NME9: variants seen among roughly 807,000 people sequenced by gnomAD.
NME9 encodes NME/NM23 family member 9.
A neutral mutation model predicts 44.4 loss-of-function variants in NME9; 48 were observed. The ratio of observed to expected loss-of-function variants is 1.08; its 90% confidence interval spans 0.86 to 1.37. The LOEUF is 1.37. Ranked by LOEUF, NME9 falls within the 40% of genes most tolerant of loss-of-function variation. NME9 has a pLI of 0.00. For synonymous variants in NME9, 139 were observed against 147.1 expected (o/e 0.94, Z 0.40); for missense variants, 325 against 405.2 (o/e 0.80, Z 1.70).
At chr3:138,302,947 A>G (rs552311951) in intron 10 of NME9, among the ~76,000 whole-genome samples, 2 of 152,344 alleles carry the variant, frequency 1.3e-5, no homozygotes, top group African/African-American at 4.8e-5. Flanking sequence ...TCTCACCCAG[A>G]TTTGGAGGTG....
chr3:138,314,135 AGT>A (rs776346500), intron 6 of NME9, among the ~76,000 whole-genome samples, 195 bp downstream of exon 6: 12 of 152,238 alleles, frequency 7.9e-5, no homozygotes, highest in Non-Finnish European at 1.8e-4. Context: ...TAATTATATG[AGT>A]GTATCAAATT....
chr3:138,323,698 A>G (rs1270240654), intron 2 of NME9, among the ~76,000 whole-genome samples: 1 of 152,192 alleles, frequency 6.6e-6, no homozygotes, highest in African/African-American at 2.4e-5. Context: ...TTGAATGCTG[A>G]AGTCATTTGG....
At chr3:138,315,780 T>C (rs1469200409) in intron 4 of NME9, 137 bp from the exon 5 acceptor site, 1 of 645,762 alleles carries the variant, frequency 1.5e-6, no homozygotes, top group African/African-American at 1.8e-5. Context: ...TCACTTCTGC[T>C]GCCCTCCCTT....
chr3:138,319,400 C>T, intron 3 of NME9, 78 bp downstream of exon 3: 2 of 829,104 alleles, frequency 2.4e-6, no homozygotes, highest in Non-Finnish European at 4.0e-6. Flanking sequence ...CACTCTCACA[C>T]TTCTCCTTCC....
intron 8 of NME9, among the ~76,000 whole-genome samples, chr3:138,275,137 A>G (rs1466754288): frequency 6.6e-6 from 1 of 152,214 alleles, no homozygotes; most frequent in Non-Finnish European, 1.5e-5. Flanking sequence ...TTTAATGAAT[A>G]TATTTTATTT....
intron 8 of NME9, among the ~76,000 whole-genome samples, chr3:138,281,524 C>CTCG (rs1327932148): frequency 6.6e-6 from 1 of 152,124 alleles, no homozygotes; most frequent in Non-Finnish European, 1.5e-5. Flanking sequence ...ATCTCTTGAC[C>CTCG]TCGTAATCCA....
chr3:138,280,077 T>C (rs2049731052), intron 8 of NME9, among the ~76,000 whole-genome samples: 1 of 151,948 alleles, frequency 6.6e-6, no homozygotes, highest in Non-Finnish European at 1.5e-5. Flanking sequence ...CTAATTTTTG[T>C]ATTTTTAGTA....
chr3:138,327,888 C>G (rs894488795), intron 1 of NME9, among the ~76,000 whole-genome samples: 5 of 152,140 alleles, frequency 3.3e-5, no homozygotes, highest in Non-Finnish European at 5.9e-5. Context: ...CATAGGAGCT[C>G]TAGGGCATCA....
At chr3:138,276,658 CA>C (rs141815144) in intron 8 of NME9, among the ~76,000 whole-genome samples, 1,573 of 152,256 alleles carry the variant, frequency 0.01, 26 homozygotes, top group African/African-American at 0.036. Flanking sequence ...AGATATTAAA[CA>C]GTACCATTTG....
chr3:138,274,257 G>GTA (rs1419797636), intron 8 of NME9, among the ~76,000 whole-genome samples: 1 of 151,778 alleles, frequency 6.6e-6, no homozygotes, highest in Non-Finnish European at 1.5e-5. Context: ...GTGTGTGTGT[G>GTA]TGTATGACAT....
rs1408163988 is a variant in NME9 at position 138,303,607 on chromosome 3, A to G, written c.828T>C (p.Asn276=). ...CTCTGTCCCGGCTTCCATGGACGGC[A>G]TTGAAGGGCATTTCTGTGCCGTACT... is the stretch of plus-strand genomic sequence containing the variant. The part of the protein sequence containing the change: ...RAQYGTEMPF[N]AVHGSRDRED... Residue 276 remains asparagine (N), a synonymous_variant, in exon 10 of 11, where the codon AAT becomes AAC. Coordinates refer to ENST00000333911, the MANE Select transcript of NME9 (RefSeq NM_001349018.2). The G allele has an allele frequency of 1.9e-6, 3 of 1,613,956 alleles. No homozygotes were observed. The highest frequency in any genetic ancestry group is 1.3e-5 in the African/African-American group (1 of 75,046).
intron 8 of NME9, among the ~76,000 whole-genome samples, chr3:138,292,948 A>G (rs2051109694): frequency 6.6e-6 from 1 of 152,180 alleles, no homozygotes; most frequent in Non-Finnish European, 1.5e-5. Flanking sequence ...CAAAGGAAAA[A>G]GATGCCTGGA....
At chr3:138,311,147 AATAG>A (rs946203845) in intron 6 of NME9, among the ~76,000 whole-genome samples, 4 of 152,188 alleles carry the variant, frequency 2.6e-5, no homozygotes, top group African/African-American at 9.6e-5. Flanking sequence ...ACCTAAAAGA[AATAG>A]ATAAATTCCT....
In NME9 at chr3:138,318,193, G is replaced by T; in HGVS notation, c.222C>A (p.Leu74=). The change falls in exon 4 of 11, where the codon CTC becomes CTA. Residue 74 remains leucine (L), a synonymous_variant. Coordinates refer to ENST00000333911, the MANE Select transcript of NME9 (RefSeq NM_001349018.2). ...ALAEADRLDV[L]EKYRGKCEPT... is the part of the protein sequence containing the mutation. ...GCTCGCACTTCCCTCTGTACTTTTC[G>T]AGGACATCAAGACGATCTGCCTCTG... The T allele has an allele frequency of 6.2e-7, 1 of 1,612,666 alleles. No homozygotes were observed. Among genetic ancestry groups the T allele is most frequent in the South Asian group, 1.1e-5 (1 of 91,022 alleles).
chr3:138,325,621 T>G (rs1346365281), intron 1 of NME9, among the ~76,000 whole-genome samples: 1 of 152,114 alleles, frequency 6.6e-6, no homozygotes, highest in Non-Finnish European at 1.5e-5. Context: ...TTGGCCAGGC[T>G]GGTCTCGAAC....
At chr3:138,261,865 G>C (rs771319630) in exon 9 of NME9, 3 of 152,200 alleles carry the variant, frequency 2.0e-5, no homozygotes, top group Non-Finnish European at 4.4e-5. Flanking sequence ...GTTGCAATGT[G>C]TGTCCCCAAA....
At chr3:138,282,979 C>CT (rs2050082281) in intron 8 of NME9, among the ~76,000 whole-genome samples, 1 of 152,238 alleles carries the variant, frequency 6.6e-6, no homozygotes, top group African/African-American at 2.4e-5. Flanking sequence ...CACCAGAAAT[C>CT]TGACACCTTC....
chr3:138,296,034 A>G, downstream of NME9: 1 of 671,182 alleles, frequency 1.5e-6, no homozygotes, highest in Non-Finnish European at 2.4e-6. Context: ...TAGTAGGCTT[A>G]GATCTCAAAT....
At chr3:138,280,385 T>G (rs1322776541) in intron 8 of NME9, among the ~76,000 whole-genome samples, 1 of 151,924 alleles carries the variant, frequency 6.6e-6, no homozygotes, top group Non-Finnish European at 1.5e-5. Flanking sequence ...TGGTGTGATC[T>G]TGGCTCACTG....
Sources: allele counts gnomAD v4.1 joint callset (sites outside exome capture counted in the v4.1 genomes callset), GRCh38; gene constraint gnomAD v4.1.1; transcripts MANE v1.5; gene names NCBI Gene and HGNC (gene_info 2026-07-23, HGNC 2026-07-21).